PDZD2: variants seen among roughly 807,000 people sequenced by gnomAD.
The protein encoded by PDZD2 is PDZ domain containing 2.
PDZD2 carries 90 observed loss-of-function variants against 220.7 expected under a neutral mutation model. The observed-to-expected ratio is 0.41, with a 90% confidence interval of 0.34 to 0.49. PDZD2 has a LOEUF of 0.49. Ranked by LOEUF, PDZD2 falls within the 20% of genes least tolerant of loss-of-function variation. The pLI, the probability that PDZD2 is intolerant of heterozygous loss-of-function variation, is 0.28. For missense variants in PDZD2, 3,174 were observed against 3,608.5 expected, an observed-to-expected ratio of 0.88 and a Z score of 3.08; for synonymous variants, 1,375 against 1,450.5, an observed-to-expected ratio of 0.95 and a Z score of 1.18.
intron 1 of PDZD2, among the ~76,000 whole-genome samples, chr5:31,730,863 C>T (rs1437032058): frequency 6.6e-6 from 1 of 152,144 alleles, no homozygotes; most frequent in East Asian, 1.9e-4. Context: ...TGATAGTTCT[C>T]TTGGCCAAGC....
chr5:31,836,170 G>A lies in PDZD2; in HGVS notation c.476+36446G>A, dbSNP rs1167514131. ...CTTTATTAAAAAACAGCACAGTAAT[G>A]GTATTTGTGTAAGCTTGTTTCAATG... On this transcript the variant is annotated intron_variant, in intron 2 of 24. Transcript: ENST00000438447. 2.7e-5 allele frequency among the ~76,000 whole-genome samples: 4 copies of A among 150,940 alleles called. No homozygotes were observed. In the East Asian group the frequency reaches 7.7e-4, roughly 29 times the overall value.
chr5:31,919,905 G>A (rs368278001), intron 2 of PDZD2, among the ~76,000 whole-genome samples: 9 of 150,354 alleles, frequency 6.0e-5, no homozygotes, highest in Non-Finnish European at 7.4e-5. Context: ...CTGTAGTTTC[G>A]GCTGCCTGGG....
intron 6 of PDZD2, among the ~76,000 whole-genome samples, chr5:32,036,044 A>T (rs1755517381): frequency 6.6e-6 from 1 of 151,842 alleles, no homozygotes; most frequent in Non-Finnish European, 1.5e-5. Flanking sequence ...CACGAGTTCA[A>T]TCAGTTCTCC....
intron 1 of PDZD2, among the ~76,000 whole-genome samples, chr5:31,746,208 C>T (rs1750597382): frequency 6.6e-6 from 1 of 152,202 alleles, no homozygotes; most frequent in Non-Finnish European, 1.5e-5. Flanking sequence ...ACCAGGGCAG[C>T]ATTTTTATGG....
chr5:31,766,930 G>A (rs1752057409), intron 1 of PDZD2, among the ~76,000 whole-genome samples: 1 of 150,160 alleles, frequency 6.7e-6, no homozygotes, highest in African/African-American at 2.5e-5. Flanking sequence ...GTTTCATCAT[G>A]TTGGGCAGGC....
chr5:31,801,279 A>G (rs1399977083), intron 2 of PDZD2, among the ~76,000 whole-genome samples: 1 of 152,182 alleles, frequency 6.6e-6, no homozygotes, highest in Non-Finnish European at 1.5e-5. Context: ...TAGGTGCCTG[A>G]CTGGCCGTTA....
At chr5:31,670,200 G>T (rs904937043) in intron 1 of PDZD2, among the ~76,000 whole-genome samples, 2 of 152,138 alleles carry the variant, frequency 1.3e-5, no homozygotes, top group African/African-American at 4.8e-5. Flanking sequence ...TCAAGGAGAA[G>T]AAATGTACAT....
intron 7 of PDZD2, among the ~76,000 whole-genome samples, chr5:32,048,254 G>A (rs1738168701): frequency 6.6e-6 from 1 of 152,152 alleles, no homozygotes. Context: ...ATCCACCAGA[G>A]CTACATCTTA....
chr5:31,951,270 G>A (rs967043952), intron 2 of PDZD2, among the ~76,000 whole-genome samples: 3 of 152,064 alleles, frequency 2.0e-5, no homozygotes, highest in African/African-American at 7.2e-5. Context: ...GTCTCACTTT[G>A]TTGCCCAGAA....
At chr5:31,862,101 G>GTTT (rs11417935) in intron 2 of PDZD2, among the ~76,000 whole-genome samples, 1,500 of 78,058 alleles carry the variant, frequency 0.019, 66 homozygotes, top group African/African-American at 0.043. Context: ...TTTTTTTTGG[G>GTTT]TTTTTTTTTT....
chr5:31,790,045 C>T lies in PDZD2; in HGVS notation c.-360-8844C>T, dbSNP rs1753609478. On this transcript the variant is annotated intron_variant, in intron 1 of 24. Coordinates refer to ENST00000438447, the MANE Select transcript of PDZD2 (RefSeq NM_178140.4). The stretch of plus-strand genomic sequence containing the variant: ...GTCCTCACTCTGGCCACCCCTTGCT[C>T]TGGTGGAAGGAACTCCTTGTTTATG... 2.6e-5 allele frequency among the ~76,000 whole-genome samples: 4 copies of T among 152,342 alleles called. No individual in the cohort carries two copies. The South Asian group carries it at 8.3e-4, about 32-fold the overall frequency.
At chr5:31,999,480 T>C (rs1225098503) in intron 4 of PDZD2, among the ~76,000 whole-genome samples, 1 of 151,694 alleles carries the variant, frequency 6.6e-6, no homozygotes, top group Admixed American at 6.6e-5. Flanking sequence ...GCCACTCCAC[T>C]CCGGCCTGGA....
chr5:31,703,480 G>A (rs375628682), intron 1 of PDZD2, among the ~76,000 whole-genome samples: 5 of 152,160 alleles, frequency 3.3e-5, no homozygotes, highest in South Asian at 4.2e-4. Context: ...CTGTCGGGGG[G>A]TCGGGGGGAA....
At chr5:31,854,492 A>G (rs62360854) in intron 2 of PDZD2, among the ~76,000 whole-genome samples, 6,181 of 152,242 alleles carry the variant, frequency 0.041, 149 homozygotes, top group Non-Finnish European at 0.057. Context: ...CCTGCCCCAT[A>G]CGATGGTTGT....
chr5:31,847,547 C>G, intron 2 of PDZD2: 1 of 692,302 alleles, frequency 1.4e-6, no homozygotes, highest in Non-Finnish European at 2.6e-6. Flanking sequence ...CTGACAAATT[C>G]TGCTGCAGCA....
chr5:32,028,691 T>G (rs536749275), intron 6 of PDZD2, among the ~76,000 whole-genome samples: 4,483 of 149,820 alleles, frequency 0.03, 238 homozygotes, highest in African/African-American at 0.11. Context: ...TTTGTTTTTT[T>G]TTTTTTTTGA....
At chr5:31,878,555 CTTTTTTTTTTT>C (rs397884384) in intron 2 of PDZD2, among the ~76,000 whole-genome samples, 1 of 48,198 alleles carries the variant, frequency 2.1e-5, no homozygotes, top group African/African-American at 7.0e-5. Context: ...ATGACCTCGG[CTTTTTTTTTTT>C]TTTTTTTTTT....
chr5:31,650,777 C>G (rs1012016557), intron 1 of PDZD2, among the ~76,000 whole-genome samples: 1 of 152,194 alleles, frequency 6.6e-6, no homozygotes, highest in African/African-American at 2.4e-5. Flanking sequence ...GCTCTGAGGT[C>G]TTCCTCCTCC....
Position 32,090,925 on chromosome 5 carries a change from C to T in PDZD2, c.7477C>T (p.Leu2493Phe), listed in dbSNP as rs776024938. ...GCTGAGAGCCTTGAGCATGCCTGAC[C>T]TTGACAAGCTCTGCAGCGAGGATTA... ...QELRALSMPD[L>F]DKLCSEDYSA... Residue 2493 changes from leucine to phenylalanine, a missense_variant, in exon 20 of 25, where the codon CTT becomes TTT. Around this residue, in one of 4 missense-constraint regions of PDZD2, gnomAD observed 631 missense variants for 789.9 expected, o/e 0.80. Coordinates refer to ENST00000438447, the MANE Select transcript of PDZD2 (RefSeq NM_178140.4). This position sits in a 1 kb window ranked among gnomAD's most constrained non-coding sequence, Gnocchi z 4.3. 4 of 1,613,898 alleles carry T rather than the reference C, an allele frequency of 2.5e-6. No homozygotes were observed. The highest frequency in any genetic ancestry group is 2.5e-6 in the Non-Finnish European group (3 of 1,180,030).
Sources: gnomAD v4.1 joint callset for allele counts (sites outside exome capture counted in the v4.1 genomes callset) on GRCh38, gnomAD v4.1.1 for gene constraint, gnomAD v4.1.1 regional missense constraint, Gnocchi (gnomAD v3.1) non-coding constraint, MANE v1.5 for transcripts, NCBI Gene and HGNC (gene_info 2026-07-23, HGNC 2026-07-21) for gene names.